CTNNA2: variants seen among roughly 807,000 people sequenced by gnomAD.
CTNNA2 encodes catenin alpha-2.
Under a neutral mutation model 101.0 loss-of-function variants are expected in CTNNA2, and 42 were observed. The ratio of observed to expected loss-of-function variants is 0.42; its 90% CI spans 0.32 to 0.54. The LOEUF is 0.54. CTNNA2 is among the 20% of genes least tolerant of loss of function. The pLI is 0.14. For missense variants in CTNNA2, 871 were observed against 1,223.1 expected, an observed-to-expected ratio of 0.71 and a Z score of 4.29; for synonymous variants, 450 against 456.4, an observed-to-expected ratio of 0.99 and a Z score of 0.18.
At chr2:79,867,189 G>T (rs534070275) in intron 4 of CTNNA2, among the ~76,000 whole-genome samples, 8 of 152,220 alleles carry the variant, frequency 5.3e-5, no homozygotes, top group Non-Finnish European at 1.0e-4. Flanking sequence ...TTCTCTAGCT[G>T]CCCAGAAAGG....
At chr2:80,620,657 C>T (rs1384689939) in intron 18 of CTNNA2, among the ~76,000 whole-genome samples, 1 of 151,914 alleles carries the variant, frequency 6.6e-6, no homozygotes, top group Non-Finnish European at 1.5e-5. Flanking sequence ...TGGTTTATCC[C>T]TCTTAAGTCT....
intron 7 of CTNNA2, among the ~76,000 whole-genome samples, chr2:80,355,565 G>A (rs556502697): frequency 1.1e-4 from 16 of 152,144 alleles, no homozygotes; most frequent in African/African-American, 3.6e-4. Context: ...TTATTAAGCC[G>A]CTCTTTATTG....
At chr2:79,975,322 C>T (rs1690757523) in intron 7 of CTNNA2, among the ~76,000 whole-genome samples, 1 of 152,106 alleles carries the variant, frequency 6.6e-6, no homozygotes, top group Non-Finnish European at 1.5e-5. Flanking sequence ...TTTGGAAAAA[C>T]AAACTCAGTT....
intron 6 of CTNNA2, among the ~76,000 whole-genome samples, chr2:79,889,286 T>C (rs193222286): frequency 6.6e-6 from 1 of 152,352 alleles, no homozygotes; most frequent in Admixed American, 6.5e-5. Context: ...CAGCAGAATA[T>C]TATGGAAACT....
chr2:79,400,676 T>C (rs189220050), intron 4 of CTNNA2, among the ~76,000 whole-genome samples: 84 of 151,996 alleles, frequency 5.5e-4, no homozygotes, highest in Non-Finnish European at 1.0e-3. Context: ...GCACACTATT[T>C]TACACATATT....
intron 1 of CTNNA2, among the ~76,000 whole-genome samples, chr2:79,625,625 G>A (rs1325388563): frequency 6.6e-6 from 1 of 152,152 alleles, no homozygotes; most frequent in Non-Finnish European, 1.5e-5. Flanking sequence ...AGTTTCTCAG[G>A]TGTGTTTACA....
intron 3 of CTNNA2, among the ~76,000 whole-genome samples, chr2:79,855,335 A>T (rs894293440): frequency 2.0e-5 from 3 of 152,084 alleles, no homozygotes; most frequent in Non-Finnish European, 1.5e-5. Flanking sequence ...CTCTGCACTG[A>T]CACGTGTCAC....
intron 2 of CTNNA2, among the ~76,000 whole-genome samples, chr2:79,271,479 C>T (rs1030385011): frequency 7.9e-5 from 12 of 151,988 alleles, no homozygotes; most frequent in Admixed American, 2.0e-4. Context: ...ATCAGAGTGG[C>T]GAGGAAATAA....
chr2:80,425,873 C>T (rs1680946660), intron 9 of CTNNA2, among the ~76,000 whole-genome samples: 1 of 151,980 alleles, frequency 6.6e-6, no homozygotes, highest in African/African-American at 2.4e-5. Context: ...GTAAAATGTT[C>T]ATAGGAAAAA....
chr2:80,517,344 G>A (rs747782406), intron 9 of CTNNA2, among the ~76,000 whole-genome samples: 2 of 152,170 alleles, frequency 1.3e-5, no homozygotes, highest in African/African-American at 2.4e-5. Context: ...TGGGGACCAC[G>A]GATGGATTTG....
intron 6 of CTNNA2, among the ~76,000 whole-genome samples, chr2:79,901,846 T>G (rs1196480039): frequency 6.6e-6 from 1 of 152,214 alleles, no homozygotes; most frequent in Non-Finnish European, 1.5e-5. Flanking sequence ...ATTAAAAACA[T>G]TACTTTATGC....
chr2:80,594,424 AAAG>A, intron 15 of CTNNA2, among the ~76,000 whole-genome samples: 1 of 152,164 alleles, frequency 6.6e-6, no homozygotes, highest in South Asian at 2.1e-4. Flanking sequence ...AATTCCTGAT[AAAG>A]AATTACTATT....
intron 4 of CTNNA2, among the ~76,000 whole-genome samples, chr2:79,864,686 A>G (rs1485701727): frequency 1.3e-5 from 2 of 152,170 alleles, no homozygotes; most frequent in Non-Finnish European, 2.9e-5. Context: ...GGCACAGTGA[A>G]TAGAACTTGG....
At chr2:79,903,133 T>C (rs931014093) in intron 6 of CTNNA2, among the ~76,000 whole-genome samples, 3 of 152,212 alleles carry the variant, frequency 2.0e-5, no homozygotes, top group African/African-American at 7.2e-5. Flanking sequence ...ATCTGCATTA[T>C]TGGTGTTGTT....
chr2:79,307,033 T>C lies in CTNNA2; in HGVS notation c.-405-5676T>C, dbSNP rs189670487. Reference sequence around the variant, plus strand: ...ATTAATCCTTTTTTAGTCATACATATGATAATTTCTTCTCCCACTCCATAA... The same window carrying C: ...ATTAATCCTTTTTTAGTCATACATACGATAATTTCTTCTCCCACTCCATAA... On this transcript the variant is annotated intron_variant, in intron 2 of 21. Transcript: ENST00000466387. Among the ~76,000 whole-genome samples the C allele has an allele frequency of 1.4e-4, 21 of 152,318 alleles. No individual in the cohort carries two copies. The East Asian group carries it at 3.9e-3, about 28-fold the overall frequency.
intron 4 of CTNNA2, among the ~76,000 whole-genome samples, chr2:79,467,590 TTGAAA>T (rs1358910558): frequency 6.6e-6 from 1 of 152,014 alleles, no homozygotes; most frequent in Non-Finnish European, 1.5e-5. Flanking sequence ...TTCACCAAAG[TTGAAA>T]TGAAGGAAAA....
chr2:79,932,985 G>C (rs1687548710), intron 7 of CTNNA2, among the ~76,000 whole-genome samples: 1 of 152,180 alleles, frequency 6.6e-6, no homozygotes, highest in South Asian at 2.1e-4. Context: ...TATTTTGTCT[G>C]TACGTACGTC....
intron 1 of CTNNA2, among the ~76,000 whole-genome samples, chr2:79,596,982 G>A (rs1395946674): frequency 6.6e-6 from 1 of 152,178 alleles, no homozygotes; most frequent in Non-Finnish European, 1.5e-5. Flanking sequence ...TCTCAGTTTT[G>A]TAAAGTGGGG....
At chr2:80,162,962 G>A in intron 7 of CTNNA2, 1 of 1,539,350 alleles carries the variant, frequency 6.5e-7, no homozygotes, top group Non-Finnish European at 9.0e-7. Context: ...ATGGCAAACT[G>A]ACATCTTGCG....
Sources: gnomAD v4.1 joint callset for allele counts (sites outside exome capture counted in the v4.1 genomes callset) on GRCh38, gnomAD v4.1.1 for gene constraint, MANE v1.5 for transcripts, NCBI Gene and HGNC (gene_info 2026-07-23, HGNC 2026-07-21) for gene names.